Variants in JADE1 observed in about 807,000 individuals in gnomAD.
The protein encoded by JADE1 is protein Jade-1.
JADE1 carries 14 observed loss-of-function variants against 81.8 expected under a neutral mutation model. The observed-to-expected ratio is 0.17, with a 90% CI of 0.11 to 0.27. The LOEUF (loss-of-function observed/expected upper bound fraction) is 0.27. Among genes scored for constraint, JADE1 ranks in the 10% least tolerant of loss-of-function variants. The probability of loss-of-function intolerance (pLI) is 1.00; values close to 1 mark genes in which losing one functional copy is unlikely to be tolerated. For synonymous variants in JADE1, 353 were observed against 391.9 expected (o/e 0.90, Z 1.17); for missense variants, 690 against 1,047.9 (o/e 0.66, Z 4.71).
intron 1 of JADE1, among the ~76,000 whole-genome samples, chr4:128,823,345 C>T (rs1727750914): frequency 6.6e-6 from 1 of 152,120 alleles, no homozygotes; most frequent in South Asian, 2.1e-4. Context: ...TCCTTAAAGT[C>T]TTGAGAAATG....
rs763787693 is a variant in JADE1 at position 128,861,914 on chromosome 4, G to C, written c.1192G>C (p.Glu398Gln). ...APECSPRNPLEPFASLEQNRE... is the reference protein window; with the variant it reads ...APECSPRNPLQPFASLEQNRE... ...TGAGTGTTCCCCCCGGAATCCGCTG[G>C]AGCCCTTTGCCAGCCTTGAGCAGAA... The change falls in exon 9 of 11, where the codon GAG (glutamate) becomes CAG (glutamine). Residue 398 changes from glutamate to glutamine, a missense_variant. Physicochemically the swap from Glu to Gln is conservative, Grantham distance 29. Coordinates refer to ENST00000226319, the MANE Select transcript of JADE1 (RefSeq NM_199320.4). 2 of 1,614,074 alleles carry C rather than the reference G, an allele frequency of 1.2e-6. No individual in the cohort carries two copies. The highest frequency in any genetic ancestry group is 2.2e-5 in the South Asian group (2 of 91,086).
chr4:128,862,809 TGTGTGTGCATGA>T, intron 9 of JADE1: 1 of 998,676 alleles, frequency 1.0e-6, no homozygotes, highest in Non-Finnish European at 1.2e-6. Flanking sequence ...TGGGTGCTGA[TGTGTGTGCATGA>T]GCTGTATGTA....
In JADE1 at chr4:128,874,048, T is replaced by G. The variant is rs1732393937; in HGVS notation, c.*1786T>G. On this transcript the variant is annotated 3_prime_UTR_variant, in exon 11 of 11. Coordinates refer to ENST00000226319, the MANE Select transcript of JADE1 (RefSeq NM_199320.4). The stretch of plus-strand genomic sequence containing the variant: ...GCAGGTTTTTAGATTGACTGACTAT[T>G]TTTGAGTTATGGGGCTCATTTTGAA... The G allele has an allele frequency of 6.6e-6, 1 of 152,642 alleles. No individual in the cohort carries two copies. The highest frequency in any genetic ancestry group is 2.4e-5 in the African/African-American group (1 of 41,450). The allele number at this position is 152,642 out of a possible 1,614,324, so 9.5% of individuals were successfully genotyped here.
rs368682071 is a variant in JADE1, at chr4:128,849,055, C to A, written c.372C>A (p.Pro124=). The change falls in exon 5 of 11, where the codon CCC becomes CCA. Residue 124 remains proline (P), a synonymous_variant. Coordinates refer to ENST00000226319, the MANE Select transcript of JADE1 (RefSeq NM_199320.4). The stretch of plus-strand genomic sequence containing the variant: ...TCGTGTCATCAGGCTCTGAGCCTCC[C>A]GAGTTGGGCTATGTGGACATCCGGA... ...KYIVSSGSEP[P]ELGYVDIRTL... 5 of 1,613,994 alleles carry A rather than the reference C, an allele frequency of 3.1e-6. No individual in the cohort carries two copies. Among genetic ancestry groups the A allele is most frequent in the African/African-American group, 1.3e-5 (1 of 74,892 alleles).
At chr4:128,826,404 C>A (rs1728071810) in intron 1 of JADE1, among the ~76,000 whole-genome samples, 1 of 151,968 alleles carries the variant, frequency 6.6e-6, no homozygotes, top group Non-Finnish European at 1.5e-5. Context: ...GTCACCCAGG[C>A]TGGAGTGCAG....
At chr4:128,822,674 A>C (rs375754613) in intron 1 of JADE1, among the ~76,000 whole-genome samples, 1 of 151,850 alleles carries the variant, frequency 6.6e-6, no homozygotes, top group Non-Finnish European at 1.5e-5. Flanking sequence ...AGCCGAGATC[A>C]CACCATTGCA....
intron 6 of JADE1, among the ~76,000 whole-genome samples, chr4:128,852,729 G>A (rs936058040): frequency 6.6e-6 from 1 of 152,148 alleles, no homozygotes; most frequent in African/African-American, 2.4e-5. Context: ...TTGTCTTGTG[G>A]TTCTGGAAAC....
chr4:128,847,958 C>T (rs959695663), intron 4 of JADE1, among the ~76,000 whole-genome samples: 4 of 152,016 alleles, frequency 2.6e-5, no homozygotes, highest in Admixed American at 6.5e-5. Context: ...GGTTCCAAGT[C>T]GGGAGTGATT....
chr4:128,838,509 A>C (rs542482415), intron 2 of JADE1, among the ~76,000 whole-genome samples: 64 of 152,334 alleles, frequency 4.2e-4, no homozygotes, highest in African/African-American at 1.4e-3. Flanking sequence ...ATTAAATATC[A>C]GCACTCTGGA....
intron 2 of JADE1, among the ~76,000 whole-genome samples, chr4:128,833,704 T>G (rs558431436): frequency 1.3e-5 from 2 of 152,232 alleles, no homozygotes; most frequent in South Asian, 4.1e-4. Flanking sequence ...GAAAAAAAAT[T>G]CTTGCTTTTA....
At chr4:128,843,920 C>A (rs901044608) in intron 3 of JADE1, among the ~76,000 whole-genome samples, 7 of 152,150 alleles carry the variant, frequency 4.6e-5, no homozygotes, top group African/African-American at 1.7e-4. Flanking sequence ...GGAATAGCTT[C>A]CTCCATGAGG....
At chr4:128,829,176 T>C (rs1298734905) in intron 1 of JADE1, among the ~76,000 whole-genome samples, 1 of 152,196 alleles carries the variant, frequency 6.6e-6, no homozygotes, top group African/African-American at 2.4e-5. Flanking sequence ...CACTGGTGTT[T>C]CTTGGTTATG....
In JADE1 at chr4:128,872,301, T is replaced by C. The variant is rs1732255978; in HGVS notation, c.*39T>C. ...ATGCGGAAGCCCTTTGGGCTCGTCA[T>C]TGGGTTTGCTAGAGGAGAGCTCTGA... is the stretch of plus-strand genomic sequence containing the variant. On this transcript the variant is annotated 3_prime_UTR_variant, in exon 11 of 11. Transcript: ENST00000226319. 3 of 1,576,666 alleles carry C rather than the reference T, an allele frequency of 1.9e-6. No individual in the cohort carries two copies. Among genetic ancestry groups the C allele is most frequent in the East Asian group, 4.5e-5 (2 of 44,434 alleles).
chr4:128,863,214 C>T (rs997278418), intron 9 of JADE1: 139 of 985,402 alleles, frequency 1.4e-4, no homozygotes, highest in Non-Finnish European at 1.7e-4. Flanking sequence ...GGGCTGCCTC[C>T]CGCTAGGGCC....
In JADE1 at chr4:128,846,638, AG is replaced by A; in HGVS notation, c.296+107del. ...TTTCTGTGGGAAGAGACAGTTTCTG[AG>A]TTAGCATTAAAATATCATGAGGCCT... On this transcript the variant is annotated intron_variant, in intron 4 of 10. Coordinates refer to ENST00000226319, the MANE Select transcript of JADE1 (RefSeq NM_199320.4). This position sits in a 1 kb window ranked among gnomAD's most constrained non-coding sequence, Gnocchi z 4.0. The A allele has an allele frequency of 8.1e-7, 1 of 1,229,462 alleles. No individual in the cohort carries two copies. Among genetic ancestry groups the A allele is most frequent in the Non-Finnish European group, 1.1e-6 (1 of 883,920 alleles). 76.2% of individuals were successfully genotyped at this position (1,229,462 alleles called of 1,614,324 possible).
intron 8 of JADE1, 112 bp downstream of exon 8, chr4:128,857,566 G>A (rs1730898524): frequency 1.2e-6 from 1 of 823,968 alleles, no homozygotes; most frequent in Non-Finnish European, 2.0e-6. Flanking sequence ...TAGAATCCAG[G>A]AAGCAGGACG....
chr4:128,842,439 A>T (rs867735149), intron 2 of JADE1, among the ~76,000 whole-genome samples: 1 of 151,906 alleles, frequency 6.6e-6, no homozygotes, highest in Non-Finnish European at 1.5e-5. Flanking sequence ...AGGTGGGATT[A>T]CAGGTGCCTG....
chr4:128,857,526 G>C, intron 8 of JADE1, 72 bp downstream of exon 8: 2 of 1,238,814 alleles, frequency 1.6e-6, no homozygotes, highest in South Asian at 2.4e-5. Context: ...GGAAGGCTCT[G>C]TGAACTGTCC....
At chr4:128,840,013 A>G (rs985571169) in intron 2 of JADE1, among the ~76,000 whole-genome samples, 2 of 152,228 alleles carry the variant, frequency 1.3e-5, no homozygotes, top group African/African-American at 4.8e-5. Context: ...AGGAAAAGGA[A>G]CAGACTATTT....
Sources: gnomAD v4.1 joint callset for allele counts (sites outside exome capture counted in the v4.1 genomes callset) on GRCh38, gnomAD v4.1.1 for gene constraint, Gnocchi (gnomAD v3.1) non-coding constraint, MANE v1.5 for transcripts, NCBI Gene and HGNC (gene_info 2026-07-23, HGNC 2026-07-21) for gene names.